The following KCNU1 variants were observed in gnomAD, a reference collection of about 807,000 sequenced individuals.
The protein encoded by KCNU1 is potassium channel subfamily U member 1.
Under a neutral mutation model 126.8 loss-of-function variants are expected in KCNU1, and 93 were observed. The observed-to-expected ratio is 0.73, with a 90% CI of 0.62 to 0.87. The LOEUF (loss-of-function observed/expected upper bound fraction) is 0.87, where lower values mean the gene tolerates loss of function less well. Ranked by LOEUF, KCNU1 falls within the 40% of genes least tolerant of loss-of-function variation. The probability of loss-of-function intolerance (pLI) is 0.00; values close to 1 mark genes in which losing one functional copy is unlikely to be tolerated. For missense variants in KCNU1, 1,330 were observed against 1,367.1 expected, an observed-to-expected ratio of 0.97 and a Z score of 0.43; for synonymous variants, 523 against 494.2, an observed-to-expected ratio of 1.06 and a Z score of -0.77.
chr8:36,785,009 T>G, intron 1 of KCNU1, among the ~76,000 whole-genome samples: 1 of 152,232 alleles, frequency 6.6e-6, no homozygotes, highest in East Asian at 1.9e-4. Context: ...TTTCATAAAT[T>G]GTTCATGCAT....
chr8:36,832,973 G>C (rs1420918519), intron 10 of KCNU1, among the ~76,000 whole-genome samples: 2 of 151,842 alleles, frequency 1.3e-5, no homozygotes, highest in African/African-American at 4.8e-5. Flanking sequence ...ATTTTTATTT[G>C]TGTTTTGGTT....
intron 19 of KCNU1, among the ~76,000 whole-genome samples, chr8:36,871,694 C>G (rs1458337987): frequency 6.6e-6 from 1 of 152,042 alleles, no homozygotes; most frequent in Non-Finnish European, 1.5e-5. Flanking sequence ...AAACTAAAAA[C>G]AAATTCTCCT....
intron 10 of KCNU1, among the ~76,000 whole-genome samples, chr8:36,819,059 C>T (rs572174129): frequency 9.2e-5 from 14 of 152,180 alleles, no homozygotes; most frequent in East Asian, 1.9e-4. Flanking sequence ...ATCTAACATG[C>T]GTTGTTGTAT....
chr8:36,824,580 A>G (rs1268911168), intron 10 of KCNU1, among the ~76,000 whole-genome samples: 4 of 152,194 alleles, frequency 2.6e-5, no homozygotes, highest in Non-Finnish European at 5.9e-5. Flanking sequence ...ATGGATTACT[A>G]TATTCCATAG....
At chr8:36,906,069 A>G (rs1807616968) in intron 20 of KCNU1, among the ~76,000 whole-genome samples, 1 of 152,136 alleles carries the variant, frequency 6.6e-6, no homozygotes, top group Non-Finnish European at 1.5e-5. Flanking sequence ...TTGACAGTTT[A>G]GCTGACTCAG....
chr8:36,829,868 T>C (rs1804465374), intron 10 of KCNU1, among the ~76,000 whole-genome samples: 1 of 151,276 alleles, frequency 6.6e-6, no homozygotes, highest in African/African-American at 2.4e-5. Context: ...TTTCTGATAT[T>C]AGTAAAAGTA....
chr8:36,849,982 A>G (rs1805285736), intron 18 of KCNU1, among the ~76,000 whole-genome samples: 1 of 152,166 alleles, frequency 6.6e-6, no homozygotes, highest in South Asian at 2.1e-4. Context: ...ATTCTCACCT[A>G]CACTTACTTT....
At chr8:36,874,782 G>T (rs1806221223) in intron 19 of KCNU1, among the ~76,000 whole-genome samples, 1 of 152,038 alleles carries the variant, frequency 6.6e-6, no homozygotes. Flanking sequence ...AATGAGTATG[G>T]AGTGTGTAAC....
rs375978830 is a variant in KCNU1 at position 36,840,956 on chromosome 8, C to T, written c.1656C>T (p.Leu552=). The T allele has an allele frequency of 5.6e-4, 906 of 1,613,052 alleles. 2 individuals carry two copies. Among genetic ancestry groups the T allele is most frequent in the Non-Finnish European group, 4.5e-4 (535 of 1,179,352 alleles). Residue 552 remains leucine, a synonymous_variant, in exon 16 of 27, where the codon CTC becomes CTT. Transcript: ENST00000399881. The part of the protein sequence containing the change: ...VARLCFLKMH[L]LLIAIEYKSL... ...GGCTCTGCTTTCTGAAGATGCACCT[C>T]CTGTTGATAGCCATCGAATACAAGT...
At chr8:36,889,864 C>T (rs1045918918) in intron 19 of KCNU1, among the ~76,000 whole-genome samples, 1 of 151,780 alleles carries the variant, frequency 6.6e-6, no homozygotes, top group Admixed American at 6.6e-5. Context: ...TGCAAAAGAA[C>T]CCAAATGAAA....
rs74779132 is a variant in KCNU1 at position 36,911,583 on chromosome 8, G to T, written c.2521+464G>T. Among the ~76,000 whole-genome samples, 51 of 152,228 alleles carry T rather than the reference G, an allele frequency of 3.4e-4. 1 individual carries two copies. The East Asian group carries it at 9.9e-3, about 29-fold the overall frequency. Reference sequence around the variant, plus strand: ...ATGATTCTCTTTTACTTTTTGAGATGATTTCAGTATATGAATTTTAGAAGA... The same window carrying T: ...ATGATTCTCTTTTACTTTTTGAGATTATTTCAGTATATGAATTTTAGAAGA... On this transcript the variant is annotated intron_variant, in intron 22 of 26. Transcript: ENST00000399881.
chr8:36,842,409 A>C (rs929396173), intron 16 of KCNU1, among the ~76,000 whole-genome samples: 1 of 152,180 alleles, frequency 6.6e-6, no homozygotes, highest in Non-Finnish European at 1.5e-5. Flanking sequence ...TAAGAAGAGA[A>C]TAACAAGTAG....
chr8:36,846,139 T>C (rs576991296), intron 18 of KCNU1, among the ~76,000 whole-genome samples: 1 of 152,362 alleles, frequency 6.6e-6, no homozygotes, highest in African/African-American at 2.4e-5. Flanking sequence ...AGAGATCCAG[T>C]CACTTTGTCC....
At chr8:36,804,306 C>T (rs1185723449) in intron 3 of KCNU1, among the ~76,000 whole-genome samples, 5 of 152,192 alleles carry the variant, frequency 3.3e-5, no homozygotes, top group Non-Finnish European at 5.9e-5. Flanking sequence ...CCACTTTCCA[C>T]TGCTAGGGGT....
chr8:36,810,341 G>C (rs1458034989), intron 7 of KCNU1, among the ~76,000 whole-genome samples: 1 of 151,954 alleles, frequency 6.6e-6, no homozygotes, highest in African/African-American at 2.4e-5. Flanking sequence ...AGGCCTACTT[G>C]AAATCATTAT....
intron 10 of KCNU1, among the ~76,000 whole-genome samples, chr8:36,827,001 C>A (rs372559334): frequency 6.6e-6 from 1 of 152,166 alleles, no homozygotes; most frequent in Non-Finnish European, 1.5e-5. Context: ...CTGGCTGTGG[C>A]TTCTGCTAGA....
At chr8:36,868,307 A>C (rs1805983015) in intron 19 of KCNU1, among the ~76,000 whole-genome samples, 1 of 152,248 alleles carries the variant, frequency 6.6e-6, no homozygotes, top group African/African-American at 2.4e-5. Flanking sequence ...TAGAGGATCT[A>C]TGTTTGCCAT....
At chr8:36,905,967 C>A (rs1301131169) in intron 20 of KCNU1, among the ~76,000 whole-genome samples, 163 bp downstream of exon 20, 1 of 152,120 alleles carries the variant, frequency 6.6e-6, no homozygotes, top group Admixed American at 6.6e-5. Flanking sequence ...GAATAATATG[C>A]AAAGTAACAC....
rs558336617 is a variant in KCNU1, at chr8:36,860,974, A to G, written c.1892-3430A>G. The stretch of plus-strand genomic sequence containing the variant: ...GACCTTTTTAAGGAGGAATGACCCC[A>G]GCCAACGTTTCCTAGGGAGGAGAAC... On this transcript the variant is annotated intron_variant, in intron 18 of 26. Coordinates refer to ENST00000399881, the MANE Select transcript of KCNU1 (RefSeq NM_001031836.3). Among the ~76,000 whole-genome samples the G allele has an allele frequency of 1.1e-4, 16 of 151,838 alleles. No homozygotes were observed. The East Asian group carries it at 3.1e-3, about 29-fold the overall frequency.
Sources: gnomAD v4.1 joint callset for allele counts (sites outside exome capture counted in the v4.1 genomes callset) on GRCh38, gnomAD v4.1.1 for gene constraint, MANE v1.5 for transcripts, NCBI Gene and HGNC (gene_info 2026-07-23, HGNC 2026-07-21) for gene names.